PAPPA: variants seen among roughly 807,000 people sequenced by gnomAD.
The protein encoded by PAPPA is pappalysin 1.
PAPPA carries 60 observed loss-of-function variants against 164.0 expected under a neutral mutation model. That is an observed-to-expected ratio of 0.37 (90% CI 0.30 to 0.45). The LOEUF is 0.45. Ranked by LOEUF, PAPPA falls within the 20% of genes least tolerant of loss-of-function variation. The probability of loss-of-function intolerance (pLI) is 1.00; values close to 1 mark genes in which losing one functional copy is unlikely to be tolerated. For synonymous variants in PAPPA, 875 were observed against 814.1 expected (o/e 1.07, Z -1.27); for missense variants, 1,782 against 2,087.3 (o/e 0.85, Z 2.85).
At chr9:116,335,524 G>A (rs561778785) in intron 13 of PAPPA, among the ~76,000 whole-genome samples, 2 of 152,220 alleles carry the variant, frequency 1.3e-5, no homozygotes, top group Admixed American at 6.5e-5. Flanking sequence ...CTAGTTCACC[G>A]TGTGTTTCAG....
chr9:116,229,538 G>A (rs1440636133), intron 6 of PAPPA, among the ~76,000 whole-genome samples: 1 of 152,234 alleles, frequency 6.6e-6, no homozygotes, highest in Non-Finnish European at 1.5e-5. Context: ...GGCTATAAGA[G>A]TTTAAGTAGG....
rs139609175 is a variant in PAPPA at position 116,258,298 on chromosome 9, A to AT, written c.2733-7558dup. ...ACTATAGAATGAACTTATAATGTAAATCAAGACTTTTATGTTGCTGTGGAA... is the reference window on the plus strand; with the variant it reads ...ACTATAGAATGAACTTATAATGTAAATTCAAGACTTTTATGTTGCTGTGGAA... On this transcript the variant is annotated intron_variant, in intron 7 of 21. Transcript: ENST00000328252. Among the ~76,000 whole-genome samples, 1,154 of 152,184 alleles carry AT rather than the reference A, an allele frequency of 7.6e-3. 21 individuals are homozygous for AT. Among genetic ancestry groups the AT allele is most frequent in the African/African-American group, 0.027 (1,109 of 41,560 alleles).
At chr9:116,181,088 T>C (rs1377760193) in intron 1 of PAPPA, among the ~76,000 whole-genome samples, 1 of 152,168 alleles carries the variant, frequency 6.6e-6, no homozygotes, top group Admixed American at 6.5e-5. Flanking sequence ...AATTGAGACA[T>C]TGCATTGTAA....
intron 9 of PAPPA, among the ~76,000 whole-genome samples, chr9:116,296,518 A>C (rs1041034500): frequency 5.3e-5 from 8 of 152,194 alleles, no homozygotes; most frequent in Admixed American, 6.5e-5. Context: ...CCTGATAAGG[A>C]AACAGACCCA....
intron 10 of PAPPA, among the ~76,000 whole-genome samples, chr9:116,308,919 T>G (rs1188150207): frequency 1.3e-5 from 2 of 152,150 alleles, no homozygotes; most frequent in Non-Finnish European, 2.9e-5. Context: ...AATGTCTGCT[T>G]AATTATAGTA....
rs762216046 is a variant in PAPPA at position 116,271,393 on chromosome 9, A to C, written c.2930A>C (p.Gln977Pro). ...NGDGCSLFCR[Q>P]EVSFNCIDEP... Reference sequence around the variant, plus strand: ...GATGGCTGCTCCCTTTTCTGCCGACAAGAAGTCTCCTTCAATTGTATTGGT... The same window carrying C: ...GATGGCTGCTCCCTTTTCTGCCGACCAGAAGTCTCCTTCAATTGTATTGGT... Residue 977 changes from glutamine to proline, a missense_variant, in exon 9 of 22, where the codon CAA (glutamine) becomes CCA (proline). Physicochemically the swap from Gln to Pro is moderately conservative, Grantham distance 76. Transcript: ENST00000328252. The surrounding 1 kb of genome is among the most constrained non-coding windows in gnomAD (Gnocchi z 4.2). 6.2e-7 allele frequency: 1 copy of C among 1,613,374 alleles called. No individual in the cohort carries two copies. Among genetic ancestry groups the C allele is most frequent in the African/African-American group, 1.3e-5 (1 of 75,040 alleles).
At position 116,305,622 on chromosome 9, in the gene PAPPA, A is replaced by T. The variant is rs913729917; in HGVS notation, c.3147+2672A>T. ...GGCACTGGACACATGTATGCACATTACAGCCAATCCCCTTGTCATTCTTCA... is the reference window on the plus strand; with the variant it reads ...GGCACTGGACACATGTATGCACATTTCAGCCAATCCCCTTGTCATTCTTCA... On this transcript the variant is annotated intron_variant, in intron 10 of 21. Coordinates refer to ENST00000328252, the MANE Select transcript of PAPPA (RefSeq NM_002581.5). 2.6e-5 allele frequency among the ~76,000 whole-genome samples: 4 copies of T among 152,358 alleles called. No homozygotes were observed. In the East Asian group the frequency reaches 7.7e-4, roughly 29 times the overall value.
chr9:116,302,580 G>T (rs1845592212), intron 9 of PAPPA, among the ~76,000 whole-genome samples, 177 bp from the exon 10 acceptor site: 1 of 152,128 alleles, frequency 6.6e-6, no homozygotes, highest in South Asian at 2.1e-4. Flanking sequence ...TGTTGTTGCA[G>T]ATGACAGAAT....
intron 9 of PAPPA, among the ~76,000 whole-genome samples, chr9:116,281,899 C>T (rs552691419): frequency 6.6e-6 from 1 of 152,270 alleles, no homozygotes; most frequent in South Asian, 2.1e-4. Context: ...CCATTATCCC[C>T]CACTTTACAC....
chr9:116,246,801 G>GCCAAA (rs1844801868), intron 7 of PAPPA, among the ~76,000 whole-genome samples: 1 of 152,150 alleles, frequency 6.6e-6, no homozygotes, highest in Non-Finnish European at 1.5e-5. Context: ...GACTGCTTGA[G>GCCAAA]CCAAAGAGTT....
At chr9:116,330,296 C>A (rs1422116153) in intron 10 of PAPPA, among the ~76,000 whole-genome samples, 1 of 152,146 alleles carries the variant, frequency 6.6e-6, no homozygotes, top group African/African-American at 2.4e-5. Context: ...TATCCTCTTT[C>A]CCTCATTGCA....
rs554355760 is a variant in PAPPA at position 116,154,344 on chromosome 9, TCGC to T, written c.193_195del (p.Pro65del). The T allele has an allele frequency of 7.4e-4, 608 of 824,170 alleles. No homozygotes were observed. Among genetic ancestry groups the T allele is most frequent in the Middle Eastern group, 1.8e-3 (3 of 1,624 alleles). The allele number at this position is 824,170 out of a possible 1,614,324, so 51.1% of individuals were successfully genotyped here. ...CCGGGCGGCCCGCGGCCGCCGCGCC[TCGC>T]CGCCGCCGCCGCCGCCGCCGGGCGG... On this transcript the variant is annotated inframe_deletion, in exon 1 of 22. Transcript: ENST00000328252. This position sits in a 1 kb window ranked among gnomAD's most constrained non-coding sequence, Gnocchi z 5.2.
intron 1 of PAPPA, among the ~76,000 whole-genome samples, chr9:116,159,378 C>T (rs1048699391): frequency 6.6e-6 from 1 of 152,132 alleles, no homozygotes; most frequent in Non-Finnish European, 1.5e-5. Flanking sequence ...AAAAGTGGGG[C>T]CTGTTTGTAA....
chr9:116,231,029 C>G (rs2118732267), intron 6 of PAPPA, among the ~76,000 whole-genome samples: 1 of 151,932 alleles, frequency 6.6e-6, no homozygotes, highest in African/African-American at 2.4e-5. Context: ...TGGAAAAAAG[C>G]TTGGCACCAA....
chr9:116,390,645 C>G (rs1223419665), intron 21 of PAPPA, among the ~76,000 whole-genome samples: 1 of 152,066 alleles, frequency 6.6e-6, no homozygotes, highest in Non-Finnish European at 1.5e-5. Flanking sequence ...CTAACTCTTC[C>G]ATGTTCAAAA....
intron 9 of PAPPA, among the ~76,000 whole-genome samples, chr9:116,285,171 C>T (rs373357579): frequency 2.8e-3 from 247 of 89,368 alleles, no homozygotes; most frequent in Middle Eastern, 8.1e-3. Flanking sequence ...TTCTTTCTTT[C>T]TTTTTTTTTT....
chr9:116,368,343 TTG>T (rs1846529351), intron 19 of PAPPA, among the ~76,000 whole-genome samples: 2 of 152,126 alleles, frequency 1.3e-5, no homozygotes, highest in African/African-American at 4.8e-5. Context: ...CTCAGCACAG[TTG>T]TATGAGAGAA....
intron 13 of PAPPA, among the ~76,000 whole-genome samples, chr9:116,335,300 C>T (rs371556076): frequency 6.6e-6 from 1 of 152,146 alleles, no homozygotes; most frequent in Non-Finnish European, 1.5e-5. Flanking sequence ...ACCTCATTCA[C>T]CTGGCTTGCA....
intron 10 of PAPPA, among the ~76,000 whole-genome samples, chr9:116,305,988 C>T (rs964056405): frequency 1.3e-5 from 2 of 152,186 alleles, no homozygotes; most frequent in Non-Finnish European, 2.9e-5. Context: ...CAAGGTGGCC[C>T]TGTTCCATGA....
Sources: allele counts gnomAD v4.1 joint callset (sites outside exome capture counted in the v4.1 genomes callset), GRCh38; gene constraint gnomAD v4.1.1; non-coding constraint Gnocchi (gnomAD v3.1); transcripts MANE v1.5; gene names NCBI Gene and HGNC (gene_info 2026-07-23, HGNC 2026-07-21).